E4F1: variants seen among roughly 807,000 people sequenced by gnomAD.
The protein encoded by E4F1 is E4F transcription factor 1.
E4F1 carries 30 observed loss-of-function variants against 72.9 expected under a neutral mutation model. That is an observed-to-expected ratio of 0.41 (90% CI 0.31 to 0.56). E4F1 has a LOEUF of 0.56. Ranked by LOEUF, E4F1 falls within the 20% of genes least tolerant of loss-of-function variation. The pLI, the probability that E4F1 is intolerant of heterozygous loss-of-function variation, is 0.25. For missense variants in E4F1, 1,091 were observed against 1,117.5 expected, an observed-to-expected ratio of 0.98 and a Z score of 0.34; for synonymous variants, 542 against 478.2, an observed-to-expected ratio of 1.13 and a Z score of -1.74.
At chr16:2,233,726 G>C (rs1004682799) in intron 8 of E4F1, 79 bp downstream of exon 8, 1 of 1,476,428 alleles carries the variant, frequency 6.8e-7, no homozygotes, top group Non-Finnish European at 9.1e-7. Flanking sequence ...TCGCCTCCCT[G>C]AAGTGGCTTT....
At chr16:2,223,808 G>C (rs550028886) in intron 1 of E4F1, 38 bp downstream of exon 1, 7 of 1,536,316 alleles carry the variant, frequency 4.6e-6, no homozygotes, top group Non-Finnish European at 6.1e-6. Flanking sequence ...CCGGGGTGCG[G>C]GCAGTTCATC....
chr16:2,235,535 C>T lies in E4F1; in HGVS notation c.2318C>T (p.Pro773Leu), dbSNP rs911390496. Residue 773 changes from proline to leucine, a missense_variant, in exon 14 of 14, where the codon CCG becomes CTG. Coordinates refer to ENST00000301727, the MANE Select transcript of E4F1 (RefSeq NM_004424.5). The stretch of plus-strand genomic sequence containing the variant: ...GCAGGCGAGCTGGTCATCGCCTCGC[C>T]GGAGGGCCAGCTGGAGGTGCAGACG... Reference protein sequence around the residue: ...EHAGELVIASPEGQLEVQTVI... With the variant: ...EHAGELVIASLEGQLEVQTVI... 6 of 1,603,260 alleles carry T rather than the reference C, an allele frequency of 3.7e-6. No homozygotes were observed. Among genetic ancestry groups the T allele is most frequent in the East Asian group, 4.5e-5 (2 of 44,510 alleles).
chr16:2,231,863 C>T, intron 3 of E4F1: 1 of 366,108 alleles, frequency 2.7e-6, no homozygotes, highest in East Asian at 5.4e-5. Context: ...CCAGGATTCG[C>T]ACGTCCTCCT....
rs755627850 is a variant in E4F1 at position 2,235,403 on chromosome 16, C to T, written c.2186C>T (p.Ser729Leu). 12 of 1,611,654 alleles carry T rather than the reference C, an allele frequency of 7.4e-6. No individual in the cohort carries two copies. The highest frequency in any genetic ancestry group is 1.0e-5 in the Non-Finnish European group (12 of 1,179,920). Residue 729 changes from serine to leucine, a missense_variant, in exon 14 of 14, where the codon TCG (serine) becomes TTG (leucine). Physicochemically the swap from Ser to Leu is moderately radical, Grantham distance 145. Transcript: ENST00000301727. ...GAGCAGGTGGCCATGACGCTGGCCT[C>T]GGCCATCAGCGAGGGCACTGTGCTT... ...LTEQVAMTLA[S>L]AISEGTVLAA...
chr16:2,232,223 C>T lies in E4F1; in HGVS notation c.468C>T (p.Asp156=), dbSNP rs375178489. ...TGGCTGCTGAGGCGGAGCTGGGAGACGGTGAGATGGCCGAGGCCCCGGGCA... is the reference window on the plus strand; with the variant it reads ...TGGCTGCTGAGGCGGAGCTGGGAGATGGTGAGATGGCCGAGGCCCCGGGCA... The part of the protein sequence containing the change: ...VIVAAEAELG[D]GEMAEAPGSP... Residue 156 remains aspartate, a synonymous_variant, in exon 4 of 14, where the codon GAC becomes GAT. Coordinates refer to ENST00000301727, the MANE Select transcript of E4F1 (RefSeq NM_004424.5). The T allele has an allele frequency of 6.8e-5, 110 of 1,612,590 alleles. No individual in the cohort carries two copies. The highest frequency in any genetic ancestry group is 8.0e-5 in the Non-Finnish European group (94 of 1,179,892).
At chr16:2,230,297 T>C (rs182468779) in intron 3 of E4F1, 1 of 153,884 alleles carries the variant, frequency 6.5e-6, no homozygotes, top group African/African-American at 2.4e-5. Context: ...GGAGGGGCTG[T>C]TGCGAGGTCT....
chr16:2,231,964 G>C (rs1390724852), intron 3 of E4F1: 5 of 619,142 alleles, frequency 8.1e-6, no homozygotes, highest in Admixed American at 6.2e-5. Context: ...GCCTGACAGA[G>C]TCGGGAGGTG....
In E4F1 at chr16:2,232,549, C is replaced by G; in HGVS notation, c.703C>G (p.Leu235Val). ...GGCCTCCTTCCGCACCAAGGGCTCA[C>G]TCATCCGGCACCACCGGCGGCACAC... ...CGASFRTKGSLIRHHRRHTDE... is the reference protein window; with the variant it reads ...CGASFRTKGSVIRHHRRHTDE... The change falls in exon 5 of 14, where the codon CTC (leucine) becomes GTC (valine). Residue 235 changes from leucine to valine, a missense_variant. Physicochemically the swap from Leu to Val is conservative, Grantham distance 32. Around this residue, in one of 5 missense-constraint regions of E4F1, gnomAD observed 362 missense variants for 358.6 expected, o/e 1.01. Coordinates refer to ENST00000301727, the MANE Select transcript of E4F1 (RefSeq NM_004424.5). 1.9e-6 allele frequency: 3 copies of G among 1,612,320 alleles called. No individual in the cohort carries two copies. The highest frequency in any genetic ancestry group is 1.1e-5 in the South Asian group (1 of 91,036).
At position 2,233,474 on chromosome 16, in the gene E4F1, G is replaced by C. The variant is rs35508264; in HGVS notation, c.1093G>C (p.Gly365Arg). The C allele has an allele frequency of 2.6e-3, 3,956 of 1,506,024 alleles. 6 individuals are homozygous for C. Among genetic ancestry groups the C allele is most frequent in the Non-Finnish European group, 2.9e-3 (3,302 of 1,131,050 alleles). 93.3% of individuals were successfully genotyped at this position (1,506,024 alleles called of 1,614,324 possible). A position where few individuals can be genotyped will look rare whatever the true frequency, so the allele number is the denominator to read the frequency against. ...CCAGGAGCTCCCCTGCTCCAGCGAG[G>C]GCAGCCGTGAGAACCTGCTGCACCA... ...VSQELPCSSE[G>R]SRENLLHQAM... The change falls in exon 8 of 14, where the codon GGC becomes CGC. Residue 365 changes from glycine to arginine, a missense_variant. By Grantham distance (125) the Gly-to-Arg change is moderately radical. Transcript: ENST00000301727.
chr16:2,228,444 A>G lies in E4F1; in HGVS notation c.230A>G (p.Lys77Arg). Residue 77 changes from lysine (K) to arginine (R), a missense_variant, in exon 2 of 14, where the codon AAG (lysine) becomes AGG (arginine). This residue lies in a region of E4F1 where 362 missense variants were observed against 358.6 expected (regional missense o/e 1.01). Coordinates refer to ENST00000301727, the MANE Select transcript of E4F1 (RefSeq NM_004424.5). ...GCCTTGGAGGATTTTGTTCAGCACA[A>G]GATTCAGAAGGCCTGCCAGCGGGCC... is the stretch of plus-strand genomic sequence containing the variant. ...FTALEDFVQHKIQKACQRAPP... is the reference protein window; with the variant it reads ...FTALEDFVQHRIQKACQRAPP... 2 of 1,613,622 alleles carry G rather than the reference A, an allele frequency of 1.2e-6. No individual in the cohort carries two copies. The highest frequency in any genetic ancestry group is 1.7e-6 in the Non-Finnish European group (2 of 1,180,016).
intron 1 of E4F1, among the ~76,000 whole-genome samples, chr16:2,225,806 A>AT (rs112325888): frequency 0.066 from 9,725 of 147,696 alleles, 1,113 homozygotes; most frequent in African/African-American, 0.24. Context: ...AAAAAAAAAA[A>AT]AAAAAAAGGC....
chr16:2,225,789 A>AG (rs1458472587), intron 1 of E4F1, among the ~76,000 whole-genome samples: 1 of 124,890 alleles, frequency 8.0e-6, no homozygotes, highest in African/African-American at 3.3e-5. Context: ...GTCTCTGTTT[A>AG]GGAAAAAAAA....
chr16:2,229,740 C>G, intron 3 of E4F1, 65 bp downstream of exon 3: 1 of 1,552,514 alleles, frequency 6.4e-7, no homozygotes, highest in Non-Finnish European at 8.8e-7. Flanking sequence ...AGGATGGGGC[C>G]CCTGCTGCCT....
chr16:2,235,640 T>A lies in E4F1; in HGVS notation c.*68T>A. Reference sequence around the variant, plus strand: ...GGACTCTGAGCGCCCCACCCATGCCTGCCTGGCCTGGTAGAGAAGATGGCA... The same window carrying A: ...GGACTCTGAGCGCCCCACCCATGCCAGCCTGGCCTGGTAGAGAAGATGGCA... On this transcript the variant is annotated 3_prime_UTR_variant, in exon 14 of 14. Transcript: ENST00000301727. 3 of 1,360,926 alleles carry A rather than the reference T, an allele frequency of 2.2e-6. No homozygotes were observed. The highest frequency in any genetic ancestry group is 3.0e-6 in the Non-Finnish European group (3 of 1,009,798). The allele number at this position is 1,360,926 out of a possible 1,614,324, so 84.3% of individuals were successfully genotyped here. A position where few individuals can be genotyped will look rare whatever the true frequency, so the allele number is the denominator to read the frequency against.
rs766839471 is a variant in E4F1 at position 2,234,374 on chromosome 16, C to T, written c.1579C>T (p.Arg527Cys). 61 of 1,612,796 alleles carry T rather than the reference C, an allele frequency of 3.8e-5. No homozygotes were observed. Among genetic ancestry groups the T allele is most frequent in the East Asian group, 6.7e-5 (3 of 44,894 alleles). The change falls in exon 10 of 14, where the codon CGC becomes TGC. Residue 527 changes from arginine (R) to cysteine (C), a missense_variant. Coordinates refer to ENST00000301727, the MANE Select transcript of E4F1 (RefSeq NM_004424.5). Reference sequence around the variant, plus strand: ...CTACCCTTGTCCCAAGTGTGGCAAGCGCTACAAGACTAAGGTGGGTCTCTG... The same window carrying T: ...CTACCCTTGTCCCAAGTGTGGCAAGTGCTACAAGACTAAGGTGGGTCTCTG... ...RPYPCPKCGKRYKTKNAQQVH... is the reference protein window; with the variant it reads ...RPYPCPKCGKCYKTKNAQQVH...
rs200758185 is a variant in E4F1, at chr16:2,234,751, G to A, written c.1762G>A (p.Gly588Ser). 5.2e-6 allele frequency: 8 copies of A among 1,551,732 alleles called. No individual in the cohort carries two copies. The highest frequency in any genetic ancestry group is 1.4e-5 in the African/African-American group (1 of 73,316). The change falls in exon 11 of 14, where the codon GGC (glycine) becomes AGC (serine). Residue 588 changes from glycine to serine, a missense_variant. By Grantham distance (56) the Gly-to-Ser change is moderately conservative (BLOSUM62 0). Transcript: ENST00000301727. ...YKCGRGFAEH[G>S]TLNRHLRTKG... ...GTGCGGCCGTGGCTTCGCCGAGCAC[G>A]GCACGCTGAACCGGCACCTGCGCAC...
At position 2,234,848 on chromosome 16, in the gene E4F1, C is replaced by A; in HGVS notation, c.1793-11C>A. The A allele has an allele frequency of 6.5e-7, 1 of 1,548,798 alleles. No homozygotes were observed. Among genetic ancestry groups the A allele is most frequent in the East Asian group, 2.4e-5 (1 of 40,900 alleles). On this transcript the variant is annotated splice_polypyrimidine_tract_variant and intron_variant, in intron 11 of 13. Transcript: ENST00000301727. Reference sequence around the variant, plus strand: ...GGGCTTGCCTAGCCCTGACCGAGTCCCCACCCACAGGGGGCTGCCTGCTGG... The same window carrying A: ...GGGCTTGCCTAGCCCTGACCGAGTCACCACCCACAGGGGGCTGCCTGCTGG...
chr16:2,228,340 C>T lies in E4F1; in HGVS notation c.158-32C>T, dbSNP rs757595268. The T allele has an allele frequency of 1.9e-6, 3 of 1,612,968 alleles. No homozygotes were observed. In the African/African-American group the frequency reaches 4.0e-5, roughly 22 times the overall value. ...GCCCTGGCTGCCCAGCCTCCGCCTT[C>T]CCAGGCCCTGCTGACAGCAGGCTCG... On this transcript the variant is annotated intron_variant, in intron 1 of 13. Transcript: ENST00000301727.
At chr16:2,225,068 C>G (rs1596750849) in intron 1 of E4F1, among the ~76,000 whole-genome samples, 1 of 151,886 alleles carries the variant, frequency 6.6e-6, no homozygotes, top group African/African-American at 2.4e-5. Flanking sequence ...CAAAAATTAG[C>G]TGGGCGTGGT....
Sources: gnomAD v4.1 joint callset for allele counts (sites outside exome capture counted in the v4.1 genomes callset) on GRCh38, gnomAD v4.1.1 for gene constraint, gnomAD v4.1.1 regional missense constraint, MANE v1.5 for transcripts, NCBI Gene and HGNC (gene_info 2026-07-23, HGNC 2026-07-21) for gene names.